The following COL8A1 variants were observed in gnomAD, a reference collection of about 807,000 sequenced individuals.
COL8A1 encodes the protein collagen type VIII alpha 1 chain.
A neutral mutation model predicts 42.7 loss-of-function variants in COL8A1; 21 were observed. The ratio of observed to expected loss-of-function variants is 0.49; its 90% confidence interval spans 0.35 to 0.71. The LOEUF (loss-of-function observed/expected upper bound fraction) is 0.71, where lower values mean the gene tolerates loss of function less well. Among genes scored for constraint, COL8A1 ranks in the 30% least tolerant of loss-of-function variants. COL8A1 has a pLI of 0.01. For missense variants in COL8A1, 788 were observed against 962.4 expected (o/e 0.82, Z 2.40); for synonymous variants, 367 against 369.1 (o/e 0.99, Z 0.06).
intron 1 of COL8A1, among the ~76,000 whole-genome samples, chr3:99,736,057 T>A (rs1375792173): frequency 2.0e-5 from 3 of 152,114 alleles, no homozygotes; most frequent in African/African-American, 7.2e-5. Flanking sequence ...TCTTTATTAG[T>A]CTTGCTAGCG....
At chr3:99,668,323 A>C (rs1938428684) in intron 1 of COL8A1, among the ~76,000 whole-genome samples, 1 of 152,190 alleles carries the variant, frequency 6.6e-6, no homozygotes, top group Non-Finnish European at 1.5e-5. Context: ...GCCCTTTTAA[A>C]AAATGATTTC....
intron 2 of COL8A1, among the ~76,000 whole-genome samples, chr3:99,753,446 T>C (rs1263345174): frequency 1.3e-5 from 2 of 152,194 alleles, no homozygotes; most frequent in Non-Finnish European, 2.9e-5. Context: ...TGGAGTTTTG[T>C]TAAAGGCTCA....
At chr3:99,708,103 T>A (rs1361650034) in intron 1 of COL8A1, among the ~76,000 whole-genome samples, 2 of 152,134 alleles carry the variant, frequency 1.3e-5, no homozygotes, top group Non-Finnish European at 2.9e-5. Flanking sequence ...GAGACTACTG[T>A]GTCTGATTTC....
At chr3:99,681,647 T>C (rs1399580817) in intron 1 of COL8A1, among the ~76,000 whole-genome samples, 2 of 152,186 alleles carry the variant, frequency 1.3e-5, no homozygotes, top group Non-Finnish European at 2.9e-5. Flanking sequence ...CTGCTTTCAA[T>C]TACAACAGCA....
chr3:99,749,468 A>C (rs1254756196), intron 2 of COL8A1, among the ~76,000 whole-genome samples: 1 of 152,200 alleles, frequency 6.6e-6, no homozygotes, highest in African/African-American at 2.4e-5. Flanking sequence ...ATGGATCAGG[A>C]ACAGTTCTAG....
rs113024327 is a variant in COL8A1, at chr3:99,760,135, CA to C, written c.-4+15125del. On this transcript the variant is annotated intron_variant, in intron 2 of 3. Coordinates refer to ENST00000652472, the MANE Select transcript of COL8A1 (RefSeq NM_020351.4). ...AAACACTCAAAATCAACTAGAGACT[CA>C]AAAAAAAAAAGTTTTCCTTGTTTTA... Among the ~76,000 whole-genome samples the C allele has an allele frequency of 1.3e-3, 181 of 143,992 alleles. 3 individuals carry two copies. Among genetic ancestry groups the C allele is most frequent in the Middle Eastern group, 0.011 (3 of 268 alleles). 94.5% of individuals were successfully genotyped at this position (143,992 alleles called of 152,430 possible). A position where few individuals can be genotyped will look rare whatever the true frequency, so the allele number is the denominator to read the frequency against.
chr3:99,701,500 A>AT (rs1364169940), intron 1 of COL8A1, among the ~76,000 whole-genome samples: 1 of 152,198 alleles, frequency 6.6e-6, no homozygotes, highest in African/African-American at 2.4e-5. Flanking sequence ...GCCTGCAGGG[A>AT]TCTGCATTCT....
chr3:99,647,209 G>A (rs149119938), intron 1 of COL8A1, among the ~76,000 whole-genome samples: 2 of 152,228 alleles, frequency 1.3e-5, no homozygotes, highest in African/African-American at 2.4e-5. Context: ...CTGCCTGAGC[G>A]CATCTCCTGG....
At chr3:99,790,129 A>G (rs1941971390) in intron 2 of COL8A1, among the ~76,000 whole-genome samples, 1 of 152,242 alleles carries the variant, frequency 6.6e-6, no homozygotes, top group South Asian at 2.1e-4. Context: ...AAGCCTAACC[A>G]GGACTGAGGT....
intron 1 of COL8A1, among the ~76,000 whole-genome samples, chr3:99,705,636 A>G (rs1432403045): frequency 6.6e-6 from 1 of 152,186 alleles, no homozygotes; most frequent in Non-Finnish European, 1.5e-5. Context: ...AGTCTAATAC[A>G]TGACAGATCA....
chr3:99,696,459 T>C lies in COL8A1; in HGVS notation c.-128-48438T>C, dbSNP rs577358321. On this transcript the variant is annotated intron_variant, in intron 1 of 3. Coordinates refer to ENST00000652472, the MANE Select transcript of COL8A1 (RefSeq NM_020351.4). ...AGGACAAGTCTGACAGTTGGGATATTTTCACCTAGAGCAACCAACAGCGGC... is the reference window on the plus strand; with the variant it reads ...AGGACAAGTCTGACAGTTGGGATATCTTCACCTAGAGCAACCAACAGCGGC... 3.3e-5 allele frequency among the ~76,000 whole-genome samples: 5 copies of C among 152,210 alleles called. No individual in the cohort carries two copies. The South Asian group carries it at 1.0e-3, about 32-fold the overall frequency.
chr3:99,712,065 T>C (rs947225944), intron 1 of COL8A1, among the ~76,000 whole-genome samples: 3 of 152,104 alleles, frequency 2.0e-5, no homozygotes, highest in Non-Finnish European at 4.4e-5. Flanking sequence ...AGAAAACCTG[T>C]AGTTCTTGGA....
chr3:99,758,170 T>A (rs1042143501), intron 2 of COL8A1, among the ~76,000 whole-genome samples: 9 of 152,182 alleles, frequency 5.9e-5, no homozygotes, highest in Admixed American at 2.0e-4. Flanking sequence ...GGAATTTCAG[T>A]TAGGCTAATC....
At chr3:99,681,968 C>T (rs949324763) in intron 1 of COL8A1, among the ~76,000 whole-genome samples, 1 of 152,208 alleles carries the variant, frequency 6.6e-6, no homozygotes, top group African/African-American at 2.4e-5. Flanking sequence ...AGAGCCAGCT[C>T]TCTTCACCAT....
At chr3:99,778,841 T>C (rs1576473682) in intron 2 of COL8A1, among the ~76,000 whole-genome samples, 1 of 152,226 alleles carries the variant, frequency 6.6e-6, no homozygotes, top group Middle Eastern at 3.4e-3. Flanking sequence ...GTAGGCAGGA[T>C]GAAAATGGTG....
At chr3:99,724,102 T>C (rs1474002707) in intron 1 of COL8A1, among the ~76,000 whole-genome samples, 2 of 152,134 alleles carry the variant, frequency 1.3e-5, no homozygotes, top group Non-Finnish European at 2.9e-5. Context: ...GGACACCATG[T>C]GACCGTCCTT....
At chr3:99,677,907 C>A (rs1177149878) in intron 1 of COL8A1, 1 of 152,138 alleles carries the variant, frequency 6.6e-6, no homozygotes, top group Non-Finnish European at 1.5e-5. Flanking sequence ...ATGGGAAAAT[C>A]TACACAGGTT....
At chr3:99,652,961 C>A (rs1265732194) in intron 1 of COL8A1, among the ~76,000 whole-genome samples, 1 of 152,162 alleles carries the variant, frequency 6.6e-6, no homozygotes, top group Non-Finnish European at 1.5e-5. Flanking sequence ...ATAAGAAGCC[C>A]TGAGATGAAG....
chr3:99,784,884 A>G (rs1038294), intron 2 of COL8A1, among the ~76,000 whole-genome samples: 124,336 of 152,110 alleles, frequency 0.82, 51,146 homozygotes, highest in African/African-American at 0.91. Context: ...AGTTAGAGTC[A>G]TTAATATCTC....
Sources: allele counts gnomAD v4.1 joint callset (sites outside exome capture counted in the v4.1 genomes callset), GRCh38; gene constraint gnomAD v4.1.1; transcripts MANE v1.5; gene names NCBI Gene and HGNC (gene_info 2026-07-23, HGNC 2026-07-21).